TRHDE: variants seen among roughly 807,000 people sequenced by gnomAD.
TRHDE encodes the protein thyrotropin-releasing hormone-degrading ectoenzyme.
A neutral mutation model predicts 125.7 loss-of-function variants in TRHDE; 72 were observed. The ratio of observed to expected loss-of-function variants is 0.57; its 90% CI spans 0.47 to 0.70. The LOEUF is 0.70. Among genes scored for constraint, TRHDE ranks in the 30% least tolerant of loss-of-function variants. TRHDE has a pLI of 0.00. For synonymous variants in TRHDE, 509 were observed against 509.1 expected (o/e 1.00, Z 0.00); for missense variants, 1,110 against 1,327.1 (o/e 0.84, Z 2.54).
chr12:72,466,614 T>A (rs1876387160), intron 3 of TRHDE, among the ~76,000 whole-genome samples: 1 of 152,218 alleles, frequency 6.6e-6, no homozygotes, highest in Admixed American at 6.5e-5. Flanking sequence ...AGTTCTCTGA[T>A]CTATGTTCCT....
At chr12:72,169,820 AT>A (rs1876831539) in intron 2 of TRHDE, among the ~76,000 whole-genome samples, 1 of 152,168 alleles carries the variant, frequency 6.6e-6, no homozygotes, top group Non-Finnish European at 1.5e-5. Flanking sequence ...AAATATAGTC[AT>A]TCTTGGGGTT....
At chr12:72,644,400 C>T (rs996827837) in intron 15 of TRHDE, among the ~76,000 whole-genome samples, 4 of 152,096 alleles carry the variant, frequency 2.6e-5, no homozygotes, top group Non-Finnish European at 4.4e-5. Context: ...ACAATCTAGC[C>T]GTGTGAGGGA....
At chr12:72,636,571 T>C (rs1198514104) in intron 15 of TRHDE, among the ~76,000 whole-genome samples, 1 of 151,734 alleles carries the variant, frequency 6.6e-6, no homozygotes, top group Non-Finnish European at 1.5e-5. Context: ...AGGGCATCCC[T>C]GTCTTGTGCC....
intron 6 of TRHDE, among the ~76,000 whole-genome samples, chr12:72,517,360 G>C (rs1186188873): frequency 6.6e-6 from 1 of 151,902 alleles, no homozygotes; most frequent in Non-Finnish European, 1.5e-5. Context: ...ACTTCTTCCT[G>C]GTTTAGTCTT....
At chr12:72,224,614 T>A (rs1484826) in intron 2 of TRHDE, among the ~76,000 whole-genome samples, 7 of 152,024 alleles carry the variant, frequency 4.6e-5, no homozygotes, top group Admixed American at 1.3e-4. Context: ...ATGAAAGAGG[T>A]GGGGTTCTCT....
chr12:72,244,357 C>T (rs1213054834), intron 2 of TRHDE, among the ~76,000 whole-genome samples: 5 of 152,178 alleles, frequency 3.3e-5, no homozygotes, highest in East Asian at 1.9e-4. Context: ...CATTTAACAA[C>T]GCTGTTTGTA....
chr12:72,499,489 G>C lies in TRHDE; in HGVS notation c.1585-9G>C. ...CACCTATGATATTGCCCCGTCTGCTGTATTGCAGGAAAAGCAGAGGTTTCT... is the reference window on the plus strand; with the variant it reads ...CACCTATGATATTGCCCCGTCTGCTCTATTGCAGGAAAAGCAGAGGTTTCT... On this transcript the variant is annotated splice_polypyrimidine_tract_variant and intron_variant, in intron 5 of 18. Coordinates refer to ENST00000261180, the MANE Select transcript of TRHDE (RefSeq NM_013381.3). 6.2e-7 allele frequency: 1 copy of C among 1,613,262 alleles called. No individual in the cohort carries two copies.
chr12:72,303,397 C>T (rs924495864), intron 2 of TRHDE, among the ~76,000 whole-genome samples: 41 of 152,194 alleles, frequency 2.7e-4, no homozygotes, highest in African/African-American at 9.9e-4. Flanking sequence ...TTCCAATGCA[C>T]TGTTTTACTG....
intron 2 of TRHDE, among the ~76,000 whole-genome samples, chr12:72,364,838 T>C (rs760788571): frequency 1.1e-4 from 16 of 152,076 alleles, no homozygotes; most frequent in Non-Finnish European, 1.6e-4. Context: ...TATTTACAAA[T>C]AGCTGTACCT....
At chr12:72,640,441 G>A (rs1159473575) in intron 15 of TRHDE, among the ~76,000 whole-genome samples, 3 of 152,216 alleles carry the variant, frequency 2.0e-5, no homozygotes, top group Non-Finnish European at 1.5e-5. Flanking sequence ...TACCTCAGAT[G>A]GAAATGCAGA....
At chr12:72,298,044 A>G (rs924139889) in intron 2 of TRHDE, among the ~76,000 whole-genome samples, 2 of 152,226 alleles carry the variant, frequency 1.3e-5, no homozygotes, top group African/African-American at 4.8e-5. Context: ...TGGTGGATTC[A>G]GTGATGAACA....
intron 3 of TRHDE, among the ~76,000 whole-genome samples, chr12:72,383,095 T>C (rs1195300032): frequency 3.3e-5 from 5 of 152,198 alleles, no homozygotes; most frequent in Non-Finnish European, 5.9e-5. Context: ...TAATTAAAAC[T>C]AAGGTTTGCA....
intron 15 of TRHDE, among the ~76,000 whole-genome samples, chr12:72,648,422 T>G (rs1366091727): frequency 1.3e-5 from 2 of 151,996 alleles, no homozygotes; most frequent in Admixed American, 6.6e-5. Flanking sequence ...GAAAAAGAAA[T>G]AAACGGCATC....
chr12:72,431,072 A>T (rs887133573), intron 3 of TRHDE, among the ~76,000 whole-genome samples: 11 of 152,126 alleles, frequency 7.2e-5, no homozygotes, highest in Non-Finnish European at 1.2e-4. Flanking sequence ...TTTCTGACGT[A>T]TAGAAATACA....
chr12:72,361,783 A>G (rs1871098665), intron 2 of TRHDE, among the ~76,000 whole-genome samples: 1 of 142,812 alleles, frequency 7.0e-6, no homozygotes, highest in Non-Finnish European at 1.5e-5. Flanking sequence ...TCATTGTTCA[A>G]TTCCCACCTA....
At position 72,378,031 on chromosome 12, in the gene TRHDE, G is replaced by T; in HGVS notation, c.1225G>T (p.Gly409Ter). 6.2e-7 allele frequency: 1 copy of T among 1,603,618 alleles called. No individual in the cohort carries two copies. The highest frequency in any genetic ancestry group is 8.5e-7 in the Non-Finnish European group (1 of 1,174,810). Residue 409 changes from glycine to a stop codon, truncating the protein, a stop_gained, in exon 3 of 19, where the codon GGA becomes TGA. Transcript: ENST00000261180. LOFTEE classifies it high-confidence loss of function. Reference protein sequence around the residue: ...LYARPDAIRRGSGDYALHITK... With the variant: ...LYARPDAIRR ...TGCAAGACCTGATGCTATCAGAAGA[G>T]GATCCGGGGACTATGCTCTCCATAT...
chr12:72,354,752 A>C (rs1870736434), intron 2 of TRHDE, among the ~76,000 whole-genome samples: 1 of 147,946 alleles, frequency 6.8e-6, no homozygotes, highest in South Asian at 2.1e-4. Flanking sequence ...TATAATATAT[A>C]ATATGCATAT....
intron 5 of TRHDE, among the ~76,000 whole-genome samples, chr12:72,479,624 A>G (rs1157761474): frequency 7.1e-6 from 1 of 141,246 alleles, no homozygotes; most frequent in African/African-American, 2.7e-5. Flanking sequence ...AAAATTATAC[A>G]TGTTTTTAAA....
chr12:72,615,873 A>G (rs1209822608), intron 12 of TRHDE, among the ~76,000 whole-genome samples: 2 of 152,156 alleles, frequency 1.3e-5, no homozygotes, highest in African/African-American at 2.4e-5. Context: ...TATATTCAAT[A>G]CAAGACTGCC....
Sources: allele counts gnomAD v4.1 joint callset (sites outside exome capture counted in the v4.1 genomes callset), GRCh38; gene constraint gnomAD v4.1.1; transcripts MANE v1.5; gene names NCBI Gene and HGNC (gene_info 2026-07-23, HGNC 2026-07-21).